The following WWC2 variants were observed in gnomAD, a reference collection of about 807,000 sequenced individuals.
WWC2 encodes protein WWC2.
WWC2 carries 101 observed loss-of-function variants against 138.5 expected under a neutral mutation model. The observed-to-expected ratio is 0.73, with a 90% CI of 0.62 to 0.86. The LOEUF (loss-of-function observed/expected upper bound fraction) is 0.86, where lower values mean the gene tolerates loss of function less well. WWC2 is among the 40% of genes least tolerant of loss of function. WWC2 has a pLI of 0.00. For missense variants in WWC2, 1,420 were observed against 1,419.4 expected, an observed-to-expected ratio of 1.00 and a Z score of -0.01; for synonymous variants, 558 against 538.4, an observed-to-expected ratio of 1.04 and a Z score of -0.50.
chr4:183,306,886 A>AAAAAAAAAC (rs1195314903), intron 21 of WWC2, among the ~76,000 whole-genome samples: 1 of 151,580 alleles, frequency 6.6e-6, no homozygotes, highest in East Asian at 1.9e-4. Context: ...TGAGGCAAAA[A>AAAAAAAAAC]AAAAAAAAAA....
At position 183,312,380 on chromosome 4, in the gene WWC2, G is replaced by A. The variant is rs950118082; in HGVS notation, c.3424G>A (p.Ala1142Thr). The change falls in exon 22 of 23, where the codon GCA (alanine) becomes ACA (threonine). Residue 1142 changes from alanine (A) to threonine (T), a missense_variant. Ala to Thr is a moderately conservative substitution (Grantham distance 58). Coordinates refer to ENST00000403733, the MANE Select transcript of WWC2 (RefSeq NM_024949.6). ...SKEEQKQGLNAEKLMRQVSKD... is the reference protein window; with the variant it reads ...SKEEQKQGLNTEKLMRQVSKD... ...AGAAGAGCAGAAGCAAGGTCTGAAT[G>A]CAGAGAAGTTGATGAGGCAAGTCTC... 4 of 1,613,782 alleles carry A rather than the reference G, an allele frequency of 2.5e-6. No homozygotes were observed. Among genetic ancestry groups the A allele is most frequent in the Non-Finnish European group, 3.4e-6 (4 of 1,179,744 alleles).
chr4:183,276,569 A>G (rs1737862101), intron 16 of WWC2, among the ~76,000 whole-genome samples: 1 of 152,114 alleles, frequency 6.6e-6, no homozygotes, highest in Non-Finnish European at 1.5e-5. Context: ...CTTTAACTCC[A>G]TTTTATTCCC....
chr4:183,199,741 G>A (rs1735250695), intron 2 of WWC2, among the ~76,000 whole-genome samples: 1 of 152,122 alleles, frequency 6.6e-6, no homozygotes, highest in Non-Finnish European at 1.5e-5. Context: ...ATAAGCTCTT[G>A]TAATTCACAT....
intron 1 of WWC2, among the ~76,000 whole-genome samples, chr4:183,155,038 T>G (rs1733758373): frequency 6.6e-6 from 1 of 152,116 alleles, no homozygotes; most frequent in Admixed American, 6.6e-5. Context: ...GCAGGAGCAA[T>G]AAAAACAATG....
intron 1 of WWC2, among the ~76,000 whole-genome samples, chr4:183,192,494 C>G (rs1289767579): frequency 6.6e-6 from 1 of 152,188 alleles, no homozygotes; most frequent in Non-Finnish European, 1.5e-5. Flanking sequence ...CCCTTCCTTT[C>G]ATCTACTGGT....
intron 1 of WWC2, among the ~76,000 whole-genome samples, chr4:183,184,634 A>G (rs1198877952): frequency 6.6e-6 from 1 of 152,154 alleles, no homozygotes; most frequent in Non-Finnish European, 1.5e-5. Flanking sequence ...ATCCTTGTCA[A>G]TACTCGTGTC....
At chr4:183,208,336 A>G (rs911095215) in intron 3 of WWC2, among the ~76,000 whole-genome samples, 180 bp downstream of exon 3, 2 of 152,228 alleles carry the variant, frequency 1.3e-5, no homozygotes, top group Admixed American at 6.5e-5. Context: ...TACTTCAGAT[A>G]AAAGAATCCC....
intron 4 of WWC2, among the ~76,000 whole-genome samples, chr4:183,232,558 G>C (rs1456652886): frequency 2.0e-5 from 3 of 152,140 alleles, no homozygotes; most frequent in Non-Finnish European, 2.9e-5. Context: ...TCTTTCACTT[G>C]GCATGTGTTT....
chr4:183,186,282 A>G (rs1262791752), intron 1 of WWC2, among the ~76,000 whole-genome samples: 1 of 152,266 alleles, frequency 6.6e-6, no homozygotes, highest in South Asian at 2.1e-4. Flanking sequence ...TTTTGCAGAT[A>G]CTATATCTGG....
chr4:183,123,402 G>GGTGTGTGTGTGTGTGTGT (rs67158904), intron 1 of WWC2, among the ~76,000 whole-genome samples: 1 of 147,604 alleles, frequency 6.8e-6, no homozygotes, highest in South Asian at 2.2e-4. Flanking sequence ...GCAAGTTTCA[G>GGTGTGTGTGTGTGTGTGT]GTGTGTGTGT....
chr4:183,202,728 T>C (rs915906579), intron 2 of WWC2, among the ~76,000 whole-genome samples: 3 of 152,188 alleles, frequency 2.0e-5, no homozygotes, highest in African/African-American at 7.2e-5. Context: ...GCTGACTCTA[T>C]CCCATTTTCA....
At chr4:183,232,480 C>G (rs1269660598) in intron 4 of WWC2, among the ~76,000 whole-genome samples, 1 of 152,080 alleles carries the variant, frequency 6.6e-6, no homozygotes, top group Non-Finnish European at 1.5e-5. Context: ...CCTGTCTTTC[C>G]CGATGTGCCT....
intron 5 of WWC2, among the ~76,000 whole-genome samples, chr4:183,241,570 A>G (rs73870389): frequency 0.043 from 6,526 of 152,254 alleles, 495 homozygotes; most frequent in African/African-American, 0.15. Context: ...ACCTGACTGC[A>G]TATTAGAATA....
intron 8 of WWC2, among the ~76,000 whole-genome samples, chr4:183,252,818 C>T (rs553270344): frequency 2.0e-5 from 3 of 152,238 alleles, no homozygotes; most frequent in African/African-American, 4.8e-5. Flanking sequence ...AGAATGTGAA[C>T]GGGAGAAGGC....
intron 1 of WWC2, among the ~76,000 whole-genome samples, chr4:183,101,521 G>A (rs1248438964): frequency 6.6e-6 from 1 of 152,066 alleles, no homozygotes; most frequent in Admixed American, 6.6e-5. Context: ...TAAATTTGAC[G>A]ACTTACAAAT....
chr4:183,143,930 G>C (rs148595421), intron 1 of WWC2, among the ~76,000 whole-genome samples: 1 of 152,120 alleles, frequency 6.6e-6, no homozygotes, highest in South Asian at 2.1e-4. Flanking sequence ...AAGGTGGTAC[G>C]TATTTTAAGT....
At chr4:183,299,510 T>A (rs576749491) in intron 21 of WWC2, among the ~76,000 whole-genome samples, 4 of 152,202 alleles carry the variant, frequency 2.6e-5, no homozygotes, top group Admixed American at 2.6e-4. Flanking sequence ...TGTGGATACA[T>A]AAACTGTTTG....
chr4:183,270,053 TTTC>T (rs1486550384), intron 15 of WWC2: 3 of 152,198 alleles, frequency 2.0e-5, no homozygotes, highest in Non-Finnish European at 4.4e-5. Context: ...GAGGGGTAGG[TTTC>T]TTCTTAATTT....
chr4:183,100,091 G>C (rs1743122745), intron 1 of WWC2, among the ~76,000 whole-genome samples: 1 of 152,260 alleles, frequency 6.6e-6, no homozygotes, highest in Admixed American at 6.5e-5. Flanking sequence ...CGAGCTCTTG[G>C]CGGGGGCGCC....
Sources: allele counts gnomAD v4.1 joint callset (sites outside exome capture counted in the v4.1 genomes callset), GRCh38; gene constraint gnomAD v4.1.1; transcripts MANE v1.5; gene names NCBI Gene and HGNC (gene_info 2026-07-23, HGNC 2026-07-21).